Variants in KCNIP1 observed in about 807,000 individuals in gnomAD.
KCNIP1 encodes A-type potassium channel modulatory protein KCNIP1.
A neutral mutation model predicts 33.0 loss-of-function variants in KCNIP1; 18 were observed. The observed-to-expected ratio is 0.55, with a 90% CI of 0.38 to 0.81. The LOEUF is 0.81. Ranked by LOEUF, KCNIP1 falls within the 30% of genes least tolerant of loss-of-function variation. The pLI is 0.00. For missense variants in KCNIP1, 238 were observed against 271.6 expected, an observed-to-expected ratio of 0.88 and a Z score of 0.87; for synonymous variants, 93 against 98.3, an observed-to-expected ratio of 0.95 and a Z score of 0.32.
At chr5:170,602,924 C>G (rs1554103960) in intron 1 of KCNIP1, among the ~76,000 whole-genome samples, 3 of 152,198 alleles carry the variant, frequency 2.0e-5, no homozygotes, top group Non-Finnish European at 4.4e-5. Context: ...CCGCATCACA[C>G]AGTTAGTGAG....
At chr5:170,383,315 C>A in intron 1 of KCNIP1, 1 of 544,656 alleles carries the variant, frequency 1.8e-6, no homozygotes, top group Non-Finnish European at 3.3e-6. Flanking sequence ...ACACTAATCA[C>A]TGCTTTTGTT....
intron 1 of KCNIP1, among the ~76,000 whole-genome samples, chr5:170,708,838 G>T (rs1363215476): frequency 6.6e-6 from 1 of 152,202 alleles, no homozygotes; most frequent in Non-Finnish European, 1.5e-5. Context: ...GGCAGAGGTT[G>T]CAGTGAGTGG....
intron 1 of KCNIP1, among the ~76,000 whole-genome samples, chr5:170,447,444 T>G (rs564318327): frequency 6.6e-6 from 1 of 152,160 alleles, no homozygotes; most frequent in Non-Finnish European, 1.5e-5. Flanking sequence ...TGAGCTAGAC[T>G]CAGTCAATCA....
At chr5:170,411,851 G>C (rs765164395) in intron 1 of KCNIP1, among the ~76,000 whole-genome samples, 1 of 152,186 alleles carries the variant, frequency 6.6e-6, no homozygotes, top group Non-Finnish European at 1.5e-5. Context: ...AAGTCAGTGA[G>C]TAGGTGAGTG....
chr5:170,457,064 A>T (rs1003968090), intron 1 of KCNIP1, among the ~76,000 whole-genome samples: 1 of 152,204 alleles, frequency 6.6e-6, no homozygotes, highest in African/African-American at 2.4e-5. Context: ...CCAAGAAAAA[A>T]AGAATACTTA....
intron 1 of KCNIP1, among the ~76,000 whole-genome samples, chr5:170,677,830 A>G (rs535480555): frequency 6.2e-5 from 9 of 145,092 alleles, no homozygotes; most frequent in East Asian, 1.9e-4. Context: ...CCTAAGGGGA[A>G]AAAAAAATGC....
chr5:170,565,696 G>C (rs1256295024), intron 1 of KCNIP1, among the ~76,000 whole-genome samples: 1 of 152,168 alleles, frequency 6.6e-6, no homozygotes, highest in African/African-American at 2.4e-5. Flanking sequence ...TTTTAAGTAG[G>C]AAAAACTAGG....
At chr5:170,645,462 A>G (rs1367937241) in intron 1 of KCNIP1, among the ~76,000 whole-genome samples, 2 of 152,224 alleles carry the variant, frequency 1.3e-5, no homozygotes, top group Non-Finnish European at 2.9e-5. Context: ...CCGAGGGTCA[A>G]CATACAGAAG....
chr5:170,495,691 A>T (rs1581242381), intron 1 of KCNIP1, among the ~76,000 whole-genome samples: 1 of 152,146 alleles, frequency 6.6e-6, no homozygotes, highest in East Asian at 1.9e-4. Flanking sequence ...AAAATCCAAG[A>T]TGTGACCATT....
chr5:170,643,590 A>G (rs1035551553), intron 1 of KCNIP1, among the ~76,000 whole-genome samples: 12 of 152,150 alleles, frequency 7.9e-5, no homozygotes, highest in African/African-American at 2.7e-4. Context: ...AGGAAGTGAG[A>G]CTCGCCTTCC....
chr5:170,383,860 C>CCACA (rs1301645545), intron 1 of KCNIP1: 1 of 1,613,198 alleles, frequency 6.2e-7, no homozygotes, highest in African/African-American at 1.3e-5. Context: ...GCTGAGGAGA[C>CCACA]CACACACATG....
At chr5:170,569,927 C>T (rs541342548) in intron 1 of KCNIP1, among the ~76,000 whole-genome samples, 1 of 152,186 alleles carries the variant, frequency 6.6e-6, no homozygotes, top group South Asian at 2.1e-4. Flanking sequence ...TAAAAATGCA[C>T]CAAAGTAATG....
chr5:170,427,753 C>T (rs1038604090), intron 1 of KCNIP1, among the ~76,000 whole-genome samples: 1 of 152,164 alleles, frequency 6.6e-6, no homozygotes, highest in Non-Finnish European at 1.5e-5. Context: ...GCTGCTCCCA[C>T]CCCTTCGCCT....
intron 1 of KCNIP1, among the ~76,000 whole-genome samples, chr5:170,452,958 A>C (rs1756290665): frequency 6.6e-6 from 1 of 152,232 alleles, no homozygotes; most frequent in African/African-American, 2.4e-5. Context: ...GGAAAAATCT[A>C]AAAAGGCAAT....
upstream of KCNIP1, among the ~76,000 whole-genome samples, chr5:170,503,233 A>C (rs1434930422): frequency 6.6e-6 from 1 of 152,010 alleles, no homozygotes; most frequent in Non-Finnish European, 1.5e-5. Flanking sequence ...CTATTAAAAA[A>C]TACAAAAAAA....
chr5:170,376,265 A>T (rs1373999849), intron 1 of KCNIP1: 1 of 139,456 alleles, frequency 7.2e-6, no homozygotes, highest in Admixed American at 8.2e-5. Flanking sequence ...GGTTCACGCC[A>T]TTCTTCTGCC....
At chr5:170,672,683 A>G (rs1162673578) in intron 1 of KCNIP1, among the ~76,000 whole-genome samples, 1 of 152,252 alleles carries the variant, frequency 6.6e-6, no homozygotes, top group Non-Finnish European at 1.5e-5. Flanking sequence ...AATATGTCAT[A>G]GTGTGTCTAA....
intron 1 of KCNIP1, among the ~76,000 whole-genome samples, chr5:170,434,888 G>A (rs1305935577): frequency 1.3e-5 from 2 of 152,210 alleles, no homozygotes; most frequent in Non-Finnish European, 2.9e-5. Context: ...CCAGGAAGGG[G>A]AGGTTGCAGT....
At chr5:170,380,435 G>A (rs1348817504) in intron 1 of KCNIP1, among the ~76,000 whole-genome samples, 1 of 152,348 alleles carries the variant, frequency 6.6e-6, no homozygotes, top group East Asian at 1.9e-4. Flanking sequence ...CAGGTGTTGA[G>A]CCAGATTCCT....
Sources: gnomAD v4.1 joint callset for allele counts (sites outside exome capture counted in the v4.1 genomes callset) on GRCh38, gnomAD v4.1.1 for gene constraint, MANE v1.5 for transcripts, NCBI Gene and HGNC (gene_info 2026-07-23, HGNC 2026-07-21) for gene names.